The following SH3D21 variants were observed in gnomAD, a reference collection of about 807,000 sequenced individuals.
The protein encoded by SH3D21 is manchette microtubule inner protein 1.
SH3D21 carries 83 observed loss-of-function variants against 82.1 expected under a neutral mutation model. The ratio of observed to expected loss-of-function variants is 1.01; its 90% CI spans 0.85 to 1.21. SH3D21 has a LOEUF of 1.21. Ranked by LOEUF, SH3D21 falls within the 50% of genes most tolerant of loss-of-function variation. The pLI, the probability that SH3D21 is intolerant of heterozygous loss-of-function variation, is 0.00. For missense variants in SH3D21, 980 were observed against 962.1 expected (o/e 1.02, Z -0.25); for synonymous variants, 383 against 387.8 (o/e 0.99, Z 0.15).
At chr1:36,319,557 G>C in intron 13 of SH3D21, 21 bp downstream of exon 13, 1 of 1,551,680 alleles carries the variant, frequency 6.4e-7, no homozygotes, top group Non-Finnish European at 8.7e-7. Flanking sequence ...GGAGACATGG[G>C]AGAGTGGGGA....
At chr1:36,328,194 G>A (rs1014377224), downstream of SH3D21, 5 of 452,874 alleles carry the variant, frequency 1.1e-5, no homozygotes, top group Non-Finnish European at 1.8e-5. Context: ...AAGGTTGGGG[G>A]GCCGAGAGAT....
At chr1:36,327,751 G>C, downstream of SH3D21, 2 of 1,235,176 alleles carry the variant, frequency 1.6e-6, no homozygotes, top group East Asian at 1.1e-4. Context: ...GGCCAGGTGG[G>C]AGAAGCGGCA....
At position 36,306,413 on chromosome 1, in the gene SH3D21, C is replaced by CG. The variant is rs751879800; in HGVS notation, c.-6dup. The CG allele has an allele frequency of 3.3e-5, 43 of 1,305,402 alleles. No individual in the cohort carries two copies. The African/African-American group carries it at 6.4e-4, about 19-fold the overall frequency. 80.9% of individuals were successfully genotyped at this position (1,305,402 alleles called of 1,614,324 possible). On this transcript the variant is annotated 5_prime_UTR_variant, in exon 1 of 16. Transcript: ENST00000453908. This position sits in a 1 kb window ranked among gnomAD's most constrained non-coding sequence, Gnocchi z 4.5. ...AGCTGCCAGGCTCTGGAGGGCGCCC[C>CG]GGAAACCATGGGTAAGTGCGGAGGC... is the stretch of plus-strand genomic sequence containing the variant.
In SH3D21 at chr1:36,306,638, C is replaced by A; in HGVS notation, c.45C>A (p.Asp15Glu). ...CCGGATACCGCGCGCAGAAGGAGGA[C>A]GAGCTGAGTCTGGCGCCCGGGGACG... The part of the protein sequence containing the change: ...VLAGYRAQKE[D>E]ELSLAPGDVV... The change falls in exon 2 of 16, where the codon GAC becomes GAA. Residue 15 changes from aspartate (D) to glutamate (E), a missense_variant. Transcript: ENST00000453908. This position sits in a 1 kb window ranked among gnomAD's most constrained non-coding sequence, Gnocchi z 4.5. The A allele has an allele frequency of 7.7e-7, 1 of 1,302,020 alleles. No homozygotes were observed. Among genetic ancestry groups the A allele is most frequent in the South Asian group, 1.2e-5 (1 of 80,926 alleles). The allele number at this position is 1,302,020 out of a possible 1,614,324, so 80.7% of individuals were successfully genotyped here.
chr1:36,317,381 G>A (rs568210151), intron 10 of SH3D21, among the ~76,000 whole-genome samples: 13 of 152,294 alleles, frequency 8.5e-5, no homozygotes, highest in East Asian at 1.9e-4. Flanking sequence ...ATTTGTATAC[G>A]TATCTGCGTG....
At chr1:36,309,859 A>T (rs1646202930) in intron 10 of SH3D21, among the ~76,000 whole-genome samples, 1 of 152,198 alleles carries the variant, frequency 6.6e-6, no homozygotes, top group African/African-American at 2.4e-5. Flanking sequence ...AAACATATGA[A>T]TATGTCTGTT....
At position 36,321,085 on chromosome 1, in the gene SH3D21, C is replaced by A; in HGVS notation, c.2229C>A (p.Ser743=). The part of the protein sequence containing the change: ...EVQVMQGTQK[S]QTPRVIHTQT... Reference sequence around the variant, plus strand: ...AGGTGATGCAGGGGACCCAGAAGTCCCAGACCCCGCGCGTCATCCACACGC... The same window carrying A: ...AGGTGATGCAGGGGACCCAGAAGTCACAGACCCCGCGCGTCATCCACACGC... The change falls in exon 16 of 16, where the codon TCC becomes TCA. Residue 743 remains serine (S), a synonymous_variant. Transcript: ENST00000453908. The surrounding 1 kb of genome is among the most constrained non-coding windows in gnomAD (Gnocchi z 6.1). 1 of 1,612,300 alleles carries A rather than the reference C, an allele frequency of 6.2e-7. No homozygotes were observed. Among genetic ancestry groups the A allele is most frequent in the East Asian group, 2.2e-5 (1 of 44,836 alleles).
downstream of SH3D21, chr1:36,322,632 G>A (rs1291419454): frequency 1.3e-6 from 2 of 1,545,328 alleles, no homozygotes; most frequent in Non-Finnish European, 1.7e-6. Context: ...CGGGCGGGGC[G>A]CCCACGAGAT....
chr1:36,321,503 C>T, downstream of SH3D21: 3 of 832,532 alleles, frequency 3.6e-6, no homozygotes, highest in Middle Eastern at 5.1e-4. This position sits in a 1 kb window ranked among gnomAD's most constrained non-coding sequence, Gnocchi z 6.1. Flanking sequence ...CGGAATCCAG[C>T]TGTGCGCCGG....
intron 10 of SH3D21, among the ~76,000 whole-genome samples, chr1:36,316,201 C>G (rs1646340194): frequency 6.7e-6 from 1 of 149,264 alleles, no homozygotes; most frequent in Non-Finnish European, 1.5e-5. Flanking sequence ...TAGAAGAAGA[C>G]TTCTTCCAGC....
chr1:36,321,534 C>T (rs1276721943), downstream of SH3D21: 7 of 747,490 alleles, frequency 9.4e-6, no homozygotes, highest in African/African-American at 1.9e-5. This position sits in a 1 kb window ranked among gnomAD's most constrained non-coding sequence, Gnocchi z 6.1. Flanking sequence ...GGCGGGCCTT[C>T]TCGCCAGCTC....
chr1:36,328,979 G>A (rs1646568996), downstream of SH3D21: 1 of 152,396 alleles, frequency 6.6e-6, no homozygotes. Flanking sequence ...TCACATGGCT[G>A]CAAGTAGTGG....
intron 10 of SH3D21, among the ~76,000 whole-genome samples, chr1:36,311,219 G>GT (rs1439538310): frequency 6.7e-6 from 1 of 150,270 alleles, no homozygotes; most frequent in Non-Finnish European, 1.5e-5. Context: ...GAGATTTGCT[G>GT]TTTTTTGTTG....
downstream of SH3D21, chr1:36,321,500 C>T (rs1646462681): frequency 1.2e-6 from 1 of 837,538 alleles, no homozygotes; most frequent in Non-Finnish European, 1.6e-6. This position sits in a 1 kb window ranked among gnomAD's most constrained non-coding sequence, Gnocchi z 6.1. Flanking sequence ...TTCCGGAATC[C>T]AGCTGTGCGC....
At position 36,307,136 on chromosome 1, in the gene SH3D21, C is replaced by G; in HGVS notation, c.227-31C>G. On this transcript the variant is annotated intron_variant, in intron 3 of 15. Coordinates refer to ENST00000453908, the MANE Select transcript of SH3D21 (RefSeq NM_001162530.2). This position sits in a 1 kb window ranked among gnomAD's most constrained non-coding sequence, Gnocchi z 5.4. ...CAGCTCCTCTGACTGGGGCGTCCGA[C>G]TGGAGCTCAGCCGCGCTTGTCCGGT... 6.4e-7 allele frequency: 1 copy of G among 1,550,842 alleles called. No homozygotes were observed. Among genetic ancestry groups the G allele is most frequent in the Non-Finnish European group, 8.7e-7 (1 of 1,146,612 alleles).
At chr1:36,310,272 A>C (rs1302561164) in intron 10 of SH3D21, among the ~76,000 whole-genome samples, 1 of 152,188 alleles carries the variant, frequency 6.6e-6, no homozygotes, top group East Asian at 1.9e-4. Flanking sequence ...CTTTTAATGT[A>C]ATATTTGATA....
At chr1:36,315,967 C>T (rs939317702) in intron 10 of SH3D21, among the ~76,000 whole-genome samples, 8 of 152,190 alleles carry the variant, frequency 5.3e-5, no homozygotes, top group Admixed American at 1.3e-4. Flanking sequence ...ATTTTCCAAA[C>T]CTGCATGGTT....
At chr1:36,315,249 C>T (rs1363825141) in intron 10 of SH3D21, among the ~76,000 whole-genome samples, 24 of 151,896 alleles carry the variant, frequency 1.6e-4, no homozygotes, top group Non-Finnish European at 2.9e-4. Flanking sequence ...GCACTCCAGC[C>T]TAGGTGACAG....
At chr1:36,315,510 C>T (rs1473253875) in intron 10 of SH3D21, among the ~76,000 whole-genome samples, 2 of 151,850 alleles carry the variant, frequency 1.3e-5, no homozygotes, top group Non-Finnish European at 2.9e-5. Context: ...ACATCATGCC[C>T]GGCTAATTTT....
Sources: allele counts gnomAD v4.1 joint callset (sites outside exome capture counted in the v4.1 genomes callset), GRCh38; gene constraint gnomAD v4.1.1; non-coding constraint Gnocchi (gnomAD v3.1); transcripts MANE v1.5; gene names NCBI Gene and HGNC (gene_info 2026-07-23, HGNC 2026-07-21).